The following GABRG3 variants were observed in gnomAD, a reference collection of about 807,000 sequenced individuals.
GABRG3 encodes gamma-aminobutyric acid receptor subunit gamma-3.
A neutral mutation model predicts 48.8 loss-of-function variants in GABRG3; 25 were observed. That is an observed-to-expected ratio of 0.51 (90% CI 0.37 to 0.72). GABRG3 has a LOEUF of 0.72. Ranked by LOEUF, GABRG3 falls within the 30% of genes least tolerant of loss-of-function variation. The pLI is 0.00. For synonymous variants in GABRG3, 227 were observed against 217.6 expected, an observed-to-expected ratio of 1.04 and a Z score of -0.38; for missense variants, 394 against 577.9, an observed-to-expected ratio of 0.68 and a Z score of 3.26.
chr15:27,399,644 T>G (rs1230002870), intron 5 of GABRG3, among the ~76,000 whole-genome samples: 1 of 152,232 alleles, frequency 6.6e-6, no homozygotes, highest in Non-Finnish European at 1.5e-5. Context: ...CTTGGGGCCC[T>G]TAGTTAGGAA....
intron 2 of GABRG3, among the ~76,000 whole-genome samples, chr15:26,985,848 T>C (rs753735224): frequency 6.6e-5 from 10 of 152,218 alleles, no homozygotes; most frequent in Non-Finnish European, 8.8e-5. Context: ...ATCCTGATTG[T>C]TTCCGTATTT....
At chr15:27,199,874 T>C (rs1352803802) in intron 3 of GABRG3, among the ~76,000 whole-genome samples, 1 of 151,982 alleles carries the variant, frequency 6.6e-6, no homozygotes, top group African/African-American at 2.4e-5. Flanking sequence ...TTTTTTTTTC[T>C]TTCTTCCTCC....
At position 27,171,435 on chromosome 15, in the gene GABRG3, C is replaced by T. The variant is rs570405269; in HGVS notation, c.270+144614C>T. Among the ~76,000 whole-genome samples, 103 of 151,756 alleles carry T rather than the reference C, an allele frequency of 6.8e-4. 1 individual carries two copies. The highest frequency in any genetic ancestry group is 2.4e-3 in the African/African-American group (100 of 41,446). ...CCCTCATTGAGTCACTACATTGAGTCACTTGGAAGTTCCCAAGACATATGC... is the reference window on the plus strand; with the variant it reads ...CCCTCATTGAGTCACTACATTGAGTTACTTGGAAGTTCCCAAGACATATGC... On this transcript the variant is annotated intron_variant, in intron 3 of 9. Coordinates refer to ENST00000615808, the MANE Select transcript of GABRG3 (RefSeq NM_033223.5).
intron 5 of GABRG3, among the ~76,000 whole-genome samples, chr15:27,413,455 G>GA (rs1371121259): frequency 6.6e-6 from 1 of 152,156 alleles, no homozygotes; most frequent in Non-Finnish European, 1.5e-5. Context: ...ACGGTATTTT[G>GA]AAAAGAAAAA....
intron 3 of GABRG3, among the ~76,000 whole-genome samples, chr15:27,052,999 T>C (rs2140712753): frequency 6.6e-6 from 1 of 152,284 alleles, no homozygotes; most frequent in Middle Eastern, 3.4e-3. Flanking sequence ...TATCACCATA[T>C]ACAAAAATTA....
intron 2 of GABRG3, among the ~76,000 whole-genome samples, chr15:26,997,234 A>T (rs1895359457): frequency 1.3e-5 from 2 of 152,152 alleles, no homozygotes; most frequent in Admixed American, 1.3e-4. Context: ...TCATATATTC[A>T]TTTAATTCTT....
intron 3 of GABRG3, among the ~76,000 whole-genome samples, chr15:27,044,072 TGAGAGAGGAGAGGGGAGGG>T (rs1283941970): frequency 1.3e-5 from 2 of 151,506 alleles, no homozygotes; most frequent in South Asian, 2.1e-4. Flanking sequence ...TCAGGGGAGG[TGAGAGAGGAGAGGGGAGGG>T]GAGGATGTTT....
chr15:27,220,206 C>T (rs909318214), intron 3 of GABRG3, among the ~76,000 whole-genome samples: 3 of 152,088 alleles, frequency 2.0e-5, no homozygotes, highest in Non-Finnish European at 4.4e-5. Flanking sequence ...GGAGGTTGTA[C>T]ATTGGTTTGG....
intron 3 of GABRG3, among the ~76,000 whole-genome samples, chr15:27,132,740 A>T (rs1897941997): frequency 6.8e-6 from 1 of 147,886 alleles, no homozygotes; most frequent in African/African-American, 2.5e-5. Context: ...AATTTTGTTG[A>T]TTTTTTTCAA....
chr15:27,280,883 T>G (rs1234378106), intron 3 of GABRG3, among the ~76,000 whole-genome samples: 1 of 152,198 alleles, frequency 6.6e-6, no homozygotes, highest in African/African-American at 2.4e-5. Flanking sequence ...CTCACTCATT[T>G]TTTGACTAAT....
At chr15:27,275,344 T>A (rs997365594) in intron 3 of GABRG3, among the ~76,000 whole-genome samples, 6 of 152,196 alleles carry the variant, frequency 3.9e-5, no homozygotes, top group African/African-American at 1.4e-4. Flanking sequence ...TATATGTAGT[T>A]TTATCCCATT....
chr15:27,342,014 TC>T (rs1456696128), intron 5 of GABRG3, among the ~76,000 whole-genome samples: 2 of 152,180 alleles, frequency 1.3e-5, no homozygotes, highest in Non-Finnish European at 2.9e-5. Context: ...TGTTCCATTC[TC>T]CCAGGGTGAT....
chr15:27,475,165 G>T (rs1318500157), intron 5 of GABRG3, among the ~76,000 whole-genome samples: 1 of 151,982 alleles, frequency 6.6e-6, no homozygotes, highest in Non-Finnish European at 1.5e-5. Context: ...ACTTGGATTT[G>T]GGGAACATGA....
chr15:27,402,043 T>C (rs1378934061), intron 5 of GABRG3, among the ~76,000 whole-genome samples: 1 of 152,196 alleles, frequency 6.6e-6, no homozygotes, highest in Non-Finnish European at 1.5e-5. Flanking sequence ...GATTTTATTT[T>C]AAAATAGTCA....
intron 3 of GABRG3, among the ~76,000 whole-genome samples, chr15:27,232,023 T>G (rs1199274760): frequency 2.0e-5 from 3 of 152,208 alleles, no homozygotes; most frequent in African/African-American, 7.2e-5. Flanking sequence ...ATAAATCATA[T>G]CATACCAGTG....
intron 3 of GABRG3, among the ~76,000 whole-genome samples, chr15:27,257,715 C>T (rs1004658702): frequency 2.0e-5 from 3 of 152,112 alleles, no homozygotes; most frequent in Admixed American, 6.5e-5. Context: ...CTCTGTTGCC[C>T]AGGCTGGGGT....
At chr15:27,324,379 A>G (rs1203719122) in intron 3 of GABRG3, among the ~76,000 whole-genome samples, 2 of 152,194 alleles carry the variant, frequency 1.3e-5, no homozygotes, top group Non-Finnish European at 2.9e-5. Context: ...CCCACTGGGC[A>G]GATCCTGATG....
chr15:27,062,314 C>T (rs1293373235), intron 3 of GABRG3, among the ~76,000 whole-genome samples: 3 of 151,348 alleles, frequency 2.0e-5, no homozygotes, highest in Non-Finnish European at 4.4e-5. Flanking sequence ...GACTGAGTAT[C>T]GGCTGGGTGT....
intron 3 of GABRG3, among the ~76,000 whole-genome samples, chr15:27,118,746 A>G (rs1595534698): frequency 1.3e-5 from 2 of 152,132 alleles, no homozygotes; most frequent in Non-Finnish European, 2.9e-5. Context: ...CCTTCATGCT[A>G]TATTTACCCT....
Sources: allele counts gnomAD v4.1 joint callset (sites outside exome capture counted in the v4.1 genomes callset), GRCh38; gene constraint gnomAD v4.1.1; transcripts MANE v1.5; gene names NCBI Gene and HGNC (gene_info 2026-07-23, HGNC 2026-07-21).